WDPCP: variants seen among roughly 807,000 people sequenced by gnomAD.
The protein encoded by WDPCP is WD repeat containing planar cell polarity effector, also known as WD repeat-containing and planar cell polarity effector protein fritz homolog.
WDPCP carries 71 observed loss-of-function variants against 93.1 expected under a neutral mutation model. That is an observed-to-expected ratio of 0.76 (90% confidence interval 0.63 to 0.93). WDPCP has a LOEUF of 0.93. Among genes scored for constraint, WDPCP ranks in the 40% least tolerant of loss-of-function variants. The pLI, the probability that WDPCP is intolerant of heterozygous loss-of-function variation, is 0.00. For synonymous variants in WDPCP, 315 were observed against 315.0 expected (o/e 1.00, Z 0.00); for missense variants, 844 against 887.4 (o/e 0.95, Z 0.62).
intron 2 of WDPCP, among the ~76,000 whole-genome samples, chr2:63,810,962 A>G (rs563356035): frequency 2.0e-4 from 31 of 152,242 alleles, no homozygotes; most frequent in Non-Finnish European, 3.8e-4. Flanking sequence ...TTGTAAGAAA[A>G]TAGGAGACAA....
rs186462544 is a variant in WDPCP, at chr2:63,340,273, G to A, written c.1749-26962C>T. On this transcript the variant is annotated intron_variant, in intron 12 of 17. Transcript: ENST00000272321. Reference sequence around the variant, plus strand: ...GAGTTCTGCCTGTCCCAAATGGTGCGGTCCTAAAGGGATTATCCCAGCAGT... The same window carrying A: ...GAGTTCTGCCTGTCCCAAATGGTGCAGTCCTAAAGGGATTATCCCAGCAGT... 7.2e-5 allele frequency among the ~76,000 whole-genome samples: 11 copies of A among 152,180 alleles called. No homozygotes were observed. The Middle Eastern group carries it at 0.014, about 188-fold the overall frequency.
At chr2:63,503,295 T>C (rs1701667892) in intron 1 of WDPCP, among the ~76,000 whole-genome samples, 1 of 152,232 alleles carries the variant, frequency 6.6e-6, no homozygotes, top group Admixed American at 6.5e-5. Flanking sequence ...AGATCGGTGC[T>C]GACCTTTGCA....
chr2:63,795,978 C>G (rs902089664), intron 2 of WDPCP, among the ~76,000 whole-genome samples: 4 of 152,160 alleles, frequency 2.6e-5, no homozygotes, highest in African/African-American at 9.7e-5. Flanking sequence ...CTGGTCTAGA[C>G]CAATCATGAT....
intron 1 of WDPCP, among the ~76,000 whole-genome samples, chr2:63,560,818 A>G (rs1328218001): frequency 3.3e-5 from 5 of 152,098 alleles, no homozygotes; most frequent in Non-Finnish European, 7.4e-5. Flanking sequence ...AACATCATAC[A>G]CTGGGGCCTG....
At chr2:63,510,778 C>T (rs561553743) in intron 1 of WDPCP, among the ~76,000 whole-genome samples, 1 of 152,210 alleles carries the variant, frequency 6.6e-6, no homozygotes, top group South Asian at 2.1e-4. Flanking sequence ...TCAAGACCAG[C>T]CTGGCCAACA....
intron 2 of WDPCP, among the ~76,000 whole-genome samples, chr2:63,697,096 T>A (rs1668969911): frequency 6.6e-6 from 1 of 152,138 alleles, no homozygotes; most frequent in South Asian, 2.1e-4. Context: ...CTTAAAATGA[T>A]GTTGTAGAAG....
chr2:63,411,038 A>C (rs1340515187), intron 9 of WDPCP, among the ~76,000 whole-genome samples: 1 of 152,172 alleles, frequency 6.6e-6, no homozygotes, highest in Non-Finnish European at 1.5e-5. Context: ...CTTGGAACAA[A>C]TGGACTTAAC....
intron 1 of WDPCP, among the ~76,000 whole-genome samples, chr2:63,527,293 C>A (rs1291524079): frequency 6.6e-6 from 1 of 150,634 alleles, no homozygotes; most frequent in Non-Finnish European, 1.5e-5. Flanking sequence ...CATATGTATA[C>A]CTGTGCCATG....
chr2:63,650,754 T>C (rs1710099693), exon 3 of WDPCP: 1 of 152,212 alleles, frequency 6.6e-6, no homozygotes, highest in African/African-American at 2.4e-5. Flanking sequence ...TGGCATGGAC[T>C]TCATGGTGTT....
chr2:63,706,865 C>T (rs1669164256), intron 2 of WDPCP, among the ~76,000 whole-genome samples: 2 of 152,056 alleles, frequency 1.3e-5, no homozygotes, highest in Admixed American at 1.3e-4. Flanking sequence ...ATCCACCCGC[C>T]TCGGCCTCCC....
intron 1 of WDPCP, among the ~76,000 whole-genome samples, chr2:63,493,827 TTAAAC>T (rs1390755288): frequency 1.3e-5 from 2 of 152,180 alleles, no homozygotes; most frequent in African/African-American, 4.8e-5. Context: ...ATACAATAAT[TTAAAC>T]TATGGACATT....
chr2:63,400,385 T>G (rs1694054499), intron 10 of WDPCP, among the ~76,000 whole-genome samples: 1 of 152,164 alleles, frequency 6.6e-6, no homozygotes, highest in Non-Finnish European at 1.5e-5. Flanking sequence ...AAAGATTTCA[T>G]GACAAGGACG....
At chr2:63,644,004 G>A (rs1710015907) in intron 3 of WDPCP, 3 of 463,872 alleles carry the variant, frequency 6.5e-6, no homozygotes, top group African/African-American at 2.0e-5. Context: ...CAATGCTTTG[G>A]AGCTGGTACT....
intron 13 of WDPCP, among the ~76,000 whole-genome samples, chr2:63,278,698 G>A (rs1342790412): frequency 1.3e-5 from 2 of 152,044 alleles, no homozygotes; most frequent in African/African-American, 4.8e-5. Flanking sequence ...ATGGTGGCGG[G>A]CACCTGTAGT....
intron 6 of WDPCP, among the ~76,000 whole-genome samples, chr2:63,474,420 T>C (rs1255377272): frequency 6.6e-6 from 1 of 152,112 alleles, no homozygotes; most frequent in Non-Finnish European, 1.5e-5. Context: ...ATGTGAATGT[T>C]TCTCTAGTAT....
chr2:63,121,909 T>G lies in WDPCP; in HGVS notation c.*97A>C. Reference sequence around the variant, plus strand: ...CTTAACTAATTTATATGATTCATACTGTCTCTTGTTAAAAATCCACACGGG... The same window carrying G: ...CTTAACTAATTTATATGATTCATACGGTCTCTTGTTAAAAATCCACACGGG... On this transcript the variant is annotated 3_prime_UTR_variant, in exon 18 of 18. Coordinates refer to ENST00000272321, the MANE Select transcript of WDPCP (RefSeq NM_015910.7). 1 of 1,581,868 alleles carries G rather than the reference T, an allele frequency of 6.3e-7. No homozygotes were observed. Among genetic ancestry groups the G allele is most frequent in the South Asian group, 1.2e-5 (1 of 83,512 alleles).
In WDPCP at chr2:63,121,380, C is replaced by CTTTTTTTTTTTTTTTTTT. The variant is rs139878372; in HGVS notation, c.*608_*625dup. On this transcript the variant is annotated 3_prime_UTR_variant, in exon 18 of 18. Transcript: ENST00000272321. ...AGGACTTTCTTTCTTTCTTTTCTTT[C>CTTTTTTTTTTTTTTTTTT]TTTTTTTTTTTTTTTTTTTTTGGAG... is the stretch of plus-strand genomic sequence containing the variant. The CTTTTTTTTTTTTTTTTTT allele has an allele frequency of 1.1e-5, 1 of 87,332 alleles. No individual in the cohort carries two copies. Among genetic ancestry groups the CTTTTTTTTTTTTTTTTTT allele is most frequent in the African/African-American group, 4.4e-5 (1 of 22,846 alleles). The allele number at this position is 87,332 out of a possible 1,614,324, so 5.4% of individuals were successfully genotyped here.
chr2:63,232,982 T>C, intron 14 of WDPCP: 1 of 164,914 alleles, frequency 6.1e-6, no homozygotes, highest in Non-Finnish European at 1.3e-5. Flanking sequence ...ACTTGGAAAC[T>C]GATCTGACTT....
chr2:63,201,162 C>T (rs745408391), intron 14 of WDPCP, among the ~76,000 whole-genome samples: 11 of 152,120 alleles, frequency 7.2e-5, no homozygotes, highest in African/African-American at 1.2e-4. Flanking sequence ...GTGGCACCTT[C>T]ACCTTCACCT....
Sources: gnomAD v4.1 joint callset for allele counts (sites outside exome capture counted in the v4.1 genomes callset) on GRCh38, gnomAD v4.1.1 for gene constraint, MANE v1.5 for transcripts, NCBI Gene and HGNC (gene_info 2026-07-23, HGNC 2026-07-21) for gene names.